INPP4B: variants seen among roughly 807,000 people sequenced by gnomAD.
INPP4B encodes the protein inositol polyphosphate-4-phosphatase type II B.
INPP4B carries 55 observed loss-of-function variants against 122.5 expected under a neutral mutation model. That is an observed-to-expected ratio of 0.45 (90% CI 0.36 to 0.56). INPP4B has a LOEUF of 0.56. Among genes scored for constraint, INPP4B ranks in the 20% least tolerant of loss-of-function variants. The probability of loss-of-function intolerance (pLI) is 0.00; values close to 1 mark genes in which losing one functional copy is unlikely to be tolerated. For missense variants in INPP4B, 1,000 were observed against 1,097.7 expected (o/e 0.91, Z 1.26); for synonymous variants, 403 against 388.7 (o/e 1.04, Z -0.43).
At chr4:142,414,765 C>A (rs756508705) in intron 5 of INPP4B, among the ~76,000 whole-genome samples, 6 of 152,172 alleles carry the variant, frequency 3.9e-5, no homozygotes, top group Admixed American at 2.0e-4. Context: ...ACACTTCATG[C>A]CATAAATTCT....
chr4:142,094,052 T>C (rs1780767822), intron 23 of INPP4B, among the ~76,000 whole-genome samples: 1 of 152,200 alleles, frequency 6.6e-6, no homozygotes, highest in Non-Finnish European at 1.5e-5. Context: ...CCTGTTTATA[T>C]TTTTTTAAAG....
At chr4:142,047,186 T>C (rs902053559) in intron 25 of INPP4B, among the ~76,000 whole-genome samples, 2 of 152,020 alleles carry the variant, frequency 1.3e-5, no homozygotes, top group African/African-American at 4.8e-5. Context: ...GAGCCAACAG[T>C]GGTAATTTGC....
At chr4:142,731,098 C>T (rs146686719) in intron 1 of INPP4B, among the ~76,000 whole-genome samples, 340 of 152,172 alleles carry the variant, frequency 2.2e-3, no homozygotes, top group African/African-American at 7.8e-3. Context: ...GCCCCACATG[C>T]ATTAGCTATT....
At chr4:142,445,096 G>A (rs1340653453) in intron 3 of INPP4B, among the ~76,000 whole-genome samples, 1 of 152,050 alleles carries the variant, frequency 6.6e-6, no homozygotes, top group African/African-American at 2.4e-5. Flanking sequence ...ACTGCTTGAT[G>A]GGTGCAGCAA....
intron 12 of INPP4B, among the ~76,000 whole-genome samples, chr4:142,233,279 C>T (rs567508676): frequency 3.2e-4 from 48 of 152,128 alleles, no homozygotes; most frequent in Non-Finnish European, 5.9e-4. Context: ...GGGACTTAGA[C>T]ACAGTTTGTA....
chr4:142,741,863 A>G (rs1767948025), intron 1 of INPP4B, among the ~76,000 whole-genome samples: 2 of 151,936 alleles, frequency 1.3e-5, no homozygotes, highest in South Asian at 4.1e-4. Flanking sequence ...GGTCATGGCA[A>G]GGGAATAGGG....
intron 7 of INPP4B, among the ~76,000 whole-genome samples, chr4:142,375,501 T>C (rs968024752): frequency 1.4e-4 from 21 of 151,892 alleles, no homozygotes; most frequent in African/African-American, 5.1e-4. Flanking sequence ...TCCAACCAGC[T>C]TTTTTGCACA....
chr4:142,726,018 T>C, intron 1 of INPP4B, 117 bp from the exon 2 acceptor site: 1 of 387,942 alleles, frequency 2.6e-6, no homozygotes, highest in Non-Finnish European at 4.6e-6. Flanking sequence ...TTTAACAAAA[T>C]ATTCAGCTCC....
chr4:142,601,406 G>A (rs1042622707), intron 2 of INPP4B, among the ~76,000 whole-genome samples: 4 of 151,730 alleles, frequency 2.6e-5, no homozygotes, highest in Non-Finnish European at 5.9e-5. Flanking sequence ...AGCAGTTTTG[G>A]AAACTATGCA....
Position 142,077,635 on chromosome 4 carries a change from T to C in INPP4B, c.2642+4396A>G, listed in dbSNP as rs538270807. On this transcript the variant is annotated intron_variant, in intron 25 of 25. Transcript: ENST00000262992. ...CATTGGGACAAGACAGCTCTTAGCA[T>C]TCCATGGAGAGTCCAAAACTGAAAA... Among the ~76,000 whole-genome samples the C allele has an allele frequency of 5.3e-4, 81 of 151,968 alleles. 1 individual carries two copies. Among genetic ancestry groups the C allele is most frequent in the African/African-American group, 1.9e-3 (78 of 41,512 alleles).
At chr4:142,119,802 C>T (rs753800679) in intron 21 of INPP4B, among the ~76,000 whole-genome samples, 7,428 of 29,556 alleles carry the variant, frequency 0.25, 233 homozygotes, top group South Asian at 0.49. Context: ...TATATACACA[C>T]ACACACACAC....
intron 2 of INPP4B, among the ~76,000 whole-genome samples, chr4:142,655,281 C>T (rs978300183): frequency 2.6e-5 from 4 of 152,178 alleles, no homozygotes; most frequent in African/African-American, 9.7e-5. Flanking sequence ...ATTGTCTTCA[C>T]ACTTGTTCAA....
At chr4:142,393,903 G>A (rs934071901) in intron 7 of INPP4B, among the ~76,000 whole-genome samples, 1 of 152,200 alleles carries the variant, frequency 6.6e-6, no homozygotes, top group Non-Finnish European at 1.5e-5. Flanking sequence ...CTCTGAATCT[G>A]CTGCGATTCT....
At chr4:142,483,469 A>G (rs1256889531) in intron 2 of INPP4B, among the ~76,000 whole-genome samples, 1 of 151,984 alleles carries the variant, frequency 6.6e-6, no homozygotes, top group African/African-American at 2.4e-5. Flanking sequence ...GTGATATCTG[A>G]TATTCAGTTT....
chr4:142,830,850 CAAAAAAA>C (rs70949194), intron 1 of INPP4B, among the ~76,000 whole-genome samples: 102 of 91,450 alleles, frequency 1.1e-3, no homozygotes, highest in Non-Finnish European at 1.6e-3. Flanking sequence ...GCTGTCTCTA[CAAAAAAA>C]AAAAAAAAAA....
At chr4:142,380,424 C>T (rs1793682443) in intron 7 of INPP4B, among the ~76,000 whole-genome samples, 1 of 152,076 alleles carries the variant, frequency 6.6e-6, no homozygotes, top group Non-Finnish European at 1.5e-5. Flanking sequence ...TGTCTCACAC[C>T]CATCAGTATT....
chr4:142,061,643 A>G (rs532248058), intron 25 of INPP4B, among the ~76,000 whole-genome samples: 19 of 152,100 alleles, frequency 1.2e-4, no homozygotes, highest in South Asian at 1.0e-3. Context: ...GGCTGAAAAG[A>G]TAGCATAAGA....
intron 22 of INPP4B, 101 bp downstream of exon 22, chr4:142,112,440 TA>T: frequency 8.7e-7 from 1 of 1,149,754 alleles, no homozygotes. Flanking sequence ...ATGTTACTCA[TA>T]AATTGATGTT....
rs953898528 is a variant in INPP4B at position 142,749,344 on chromosome 4, A to G, written c.-253-23443T>C. Among the ~76,000 whole-genome samples, 3 of 148,958 alleles carry G rather than the reference A, an allele frequency of 2.0e-5. No homozygotes were observed. In the East Asian group the frequency reaches 5.9e-4, roughly 29 times the overall value. ...TATATATGGTAAGACAATACATAAAAGTGGTCTAAACGTGTTCTTTAAAAA... is the reference window on the plus strand; with the variant it reads ...TATATATGGTAAGACAATACATAAAGGTGGTCTAAACGTGTTCTTTAAAAA... On this transcript the variant is annotated intron_variant, in intron 1 of 25. Transcript: ENST00000262992.
Sources: allele counts gnomAD v4.1 joint callset (sites outside exome capture counted in the v4.1 genomes callset), GRCh38; gene constraint gnomAD v4.1.1; transcripts MANE v1.5; gene names NCBI Gene and HGNC (gene_info 2026-07-23, HGNC 2026-07-21).